Variants in MEGF6 observed in about 807,000 individuals in gnomAD.
MEGF6 encodes multiple EGF like domains 6.
A neutral mutation model predicts 207.1 loss-of-function variants in MEGF6; 184 were observed. That is an observed-to-expected ratio of 0.89 (90% CI 0.79 to 1.00). The LOEUF is 1.00. Ranked by LOEUF, MEGF6 falls within the 50% of genes least tolerant of loss-of-function variation. The pLI is 0.00. For missense variants in MEGF6, 2,282 were observed against 2,202.9 expected, an observed-to-expected ratio of 1.04 and a Z score of -0.72; for synonymous variants, 1,038 against 910.0, an observed-to-expected ratio of 1.14 and a Z score of -2.53.
chr1:3,496,122 G>A (rs1174436938), intron 29 of MEGF6, 104 bp from the exon 30 acceptor site: 8 of 1,412,286 alleles, frequency 5.7e-6, no homozygotes, highest in South Asian at 1.5e-5. Context: ...AGGGGACCCT[G>A]GGTCTGCCCC....
intron 4 of MEGF6, among the ~76,000 whole-genome samples, chr1:3,533,427 C>T (rs750144212): frequency 6.6e-6 from 1 of 152,242 alleles, no homozygotes; most frequent in Non-Finnish European, 1.5e-5. Context: ...GCACCTTCCA[C>T]GCAGGGCAAC....
At chr1:3,586,993 G>A (rs957967788) in intron 3 of MEGF6, among the ~76,000 whole-genome samples, 1 of 152,198 alleles carries the variant, frequency 6.6e-6, no homozygotes, top group Admixed American at 6.5e-5. Flanking sequence ...CCCCACCTGT[G>A]TGCAAGGAGG....
rs1034662001 is a variant in MEGF6, at chr1:3,591,660, G to A, written c.376+3678C>T. Among the ~76,000 whole-genome samples, 60 of 149,604 alleles carry A rather than the reference G, an allele frequency of 4.0e-4. 1 individual carries two copies. The highest frequency in any genetic ancestry group is 7.9e-4 in the Non-Finnish European group (53 of 67,468). On this transcript the variant is annotated intron_variant, in intron 3 of 36. Transcript: ENST00000356575. ...TACCAAGGTCTCAGAGCTCACAAGG[G>A]ACCTGATGGGGGCGCCAGCGAGGCA...
At chr1:3,541,333 C>G (rs77282509) in intron 4 of MEGF6, among the ~76,000 whole-genome samples, 2 of 152,160 alleles carry the variant, frequency 1.3e-5, no homozygotes, top group Non-Finnish European at 2.9e-5. Context: ...AAGAGCACAT[C>G]GTCCCAGGAA....
chr1:3,531,064 C>T (rs1642145086), intron 4 of MEGF6: 2 of 1,512,946 alleles, frequency 1.3e-6, no homozygotes, highest in South Asian at 2.5e-5. Flanking sequence ...CCTGCCCAGG[C>T]TCGCCCGGCG....
At chr1:3,591,263 G>A (rs988837526) in intron 3 of MEGF6, among the ~76,000 whole-genome samples, 8 of 152,218 alleles carry the variant, frequency 5.3e-5, no homozygotes, top group African/African-American at 9.6e-5. Flanking sequence ...AGCTGAGCAC[G>A]GGGAGGCAGG....
chr1:3,531,867 T>C (rs1279207030), intron 4 of MEGF6, among the ~76,000 whole-genome samples: 2 of 150,992 alleles, frequency 1.3e-5, no homozygotes, highest in African/African-American at 4.9e-5. Flanking sequence ...AGGCGGCTGG[T>C]GGGGCTGAAC....
chr1:3,540,457 C>T (rs1642480873), intron 4 of MEGF6, among the ~76,000 whole-genome samples: 1 of 152,214 alleles, frequency 6.6e-6, no homozygotes, highest in Non-Finnish European at 1.5e-5. Flanking sequence ...ACCGGAAGGC[C>T]CAGGTTCAGG....
chr1:3,538,072 C>T (rs902423922), intron 4 of MEGF6, among the ~76,000 whole-genome samples: 2 of 152,188 alleles, frequency 1.3e-5, no homozygotes, highest in East Asian at 1.9e-4. Flanking sequence ...AATCTGCCTT[C>T]GTGGGCTCAA....
chr1:3,608,063 C>A (rs1057090550), intron 1 of MEGF6, among the ~76,000 whole-genome samples: 2 of 152,082 alleles, frequency 1.3e-5, no homozygotes, highest in African/African-American at 2.4e-5. Flanking sequence ...AGGACAGCGG[C>A]CCTGGAGGGC....
chr1:3,499,088 C>T (rs1294405803), intron 24 of MEGF6, 50 bp downstream of exon 24: 1 of 1,586,294 alleles, frequency 6.3e-7, no homozygotes, highest in African/African-American at 1.3e-5. Flanking sequence ...GAGGCCAGCA[C>T]CCTCGCTCAG....
At chr1:3,580,308 A>G (rs1025553240) in intron 3 of MEGF6, among the ~76,000 whole-genome samples, 1 of 151,914 alleles carries the variant, frequency 6.6e-6, no homozygotes, top group Non-Finnish European at 1.5e-5. Flanking sequence ...TCAGCGCTGC[A>G]CAGCTGCAAG....
intron 4 of MEGF6, among the ~76,000 whole-genome samples, chr1:3,530,545 CAG>C (rs1053930438): frequency 1.8e-4 from 27 of 152,282 alleles, no homozygotes; most frequent in African/African-American, 6.3e-4. Context: ...ATCCCAGCTG[CAG>C]AGAGAGGCAG....
At chr1:3,493,951 G>T (rs374481086) in intron 33 of MEGF6, 45 bp downstream of exon 33, 6 of 1,582,414 alleles carry the variant, frequency 3.8e-6, no homozygotes, top group Non-Finnish European at 4.3e-6. Context: ...ACCCAGACGG[G>T]ACGGGGCCAG....
the MEGF6 span, among the ~76,000 whole-genome samples, chr1:3,620,829 T>C: frequency 1.3e-5 from 2 of 152,212 alleles, no homozygotes; most frequent in Non-Finnish European, 2.9e-5. Context: ...CTGTTATTTA[T>C]TGGGTACAAG....
the MEGF6 span, among the ~76,000 whole-genome samples, chr1:3,616,931 C>A: frequency 6.6e-6 from 1 of 152,240 alleles, no homozygotes; most frequent in African/African-American, 2.4e-5. Context: ...AGAGGGGCAA[C>A]CTCCGGTTCC....
chr1:3,515,539 G>A lies in MEGF6; in HGVS notation c.605-12C>T. On this transcript the variant is annotated splice_polypyrimidine_tract_variant and intron_variant, in intron 5 of 36. Coordinates refer to ENST00000356575, the MANE Select transcript of MEGF6 (RefSeq NM_001409.4). ...GCAGGAGTTAATGGCTGGGGACACAGGGAGGACCCCAAGTCAGCCCAAGAG... is the reference window on the plus strand; with the variant it reads ...GCAGGAGTTAATGGCTGGGGACACAAGGAGGACCCCAAGTCAGCCCAAGAG... 6.2e-7 allele frequency: 1 copy of A among 1,610,420 alleles called. No homozygotes were observed. Among genetic ancestry groups the A allele is most frequent in the Non-Finnish European group, 8.5e-7 (1 of 1,178,206 alleles).
At chr1:3,516,028 C>A (rs1281533583) in intron 5 of MEGF6, among the ~76,000 whole-genome samples, 2 of 152,214 alleles carry the variant, frequency 1.3e-5, no homozygotes, top group Admixed American at 6.5e-5. Flanking sequence ...TGGACAGCTG[C>A]CATGGGCCAC....
Position 3,490,526 on chromosome 1 carries a change from T to TTA in MEGF6, c.*1_*2insTA. The TTA allele has an allele frequency of 6.2e-7, 1 of 1,612,850 alleles. No homozygotes were observed. The highest frequency in any genetic ancestry group is 8.5e-7 in the Non-Finnish European group (1 of 1,179,778). ...GAGGCGGGCTCCACGGGACTGCCTC[T>TTA]ACTAGTGCCTCGCTGGTCCACCGCT... is the stretch of plus-strand genomic sequence containing the variant. On this transcript the variant is annotated 3_prime_UTR_variant, in exon 37 of 37. Transcript: ENST00000356575.
Sources: allele counts gnomAD v4.1 joint callset (sites outside exome capture counted in the v4.1 genomes callset), GRCh38; gene constraint gnomAD v4.1.1; transcripts MANE v1.5; gene names NCBI Gene and HGNC (gene_info 2026-07-23, HGNC 2026-07-21).